MYO18A: variants seen among roughly 807,000 people sequenced by gnomAD.
The protein encoded by MYO18A is myosin XVIIIA.
MYO18A carries 78 observed loss-of-function variants against 235.8 expected under a neutral mutation model. The ratio of observed to expected loss-of-function variants is 0.33; its 90% confidence interval spans 0.28 to 0.40. The LOEUF (loss-of-function observed/expected upper bound fraction) is 0.40. Among genes scored for constraint, MYO18A ranks in the 10% least tolerant of loss-of-function variants. The pLI is 1.00. For missense variants in MYO18A, 2,215 were observed against 2,699.3 expected, an observed-to-expected ratio of 0.82 and a Z score of 3.98; for synonymous variants, 977 against 1,077.8, an observed-to-expected ratio of 0.91 and a Z score of 1.83.
chr17:29,082,273 G>A, intron 41 of MYO18A, 43 bp downstream of exon 41: 1 of 1,611,924 alleles, frequency 6.2e-7, no homozygotes, highest in Admixed American at 1.7e-5. Context: ...ATTCCTTGTG[G>A]CACAAGGTGG....
chr17:29,097,845 C>T lies in MYO18A; in HGVS notation c.4045G>A (p.Glu1349Lys). The T allele has an allele frequency of 1.2e-6, 2 of 1,613,808 alleles. No individual in the cohort carries two copies. Among genetic ancestry groups the T allele is most frequent in the Non-Finnish European group, 8.5e-7 (1 of 1,179,840 alleles). The change falls in exon 26 of 42, where the codon GAG (glutamate) becomes AAG (lysine). Residue 1349 changes from glutamate (E) to lysine (K), a missense_variant. Glu to Lys is a moderately conservative substitution (Grantham distance 56, BLOSUM62 1). Transcript: ENST00000527372. ...QMEVMEMEVMEARLIRAAEIN... is the reference protein window; with the variant it reads ...QMEVMEMEVMKARLIRAAEIN... Reference sequence around the variant, plus strand: ...TCCGCTGCCCGGATGAGACGGGCCTCCATCACCTCCATTTCCATAACCTCC... The same window carrying T: ...TCCGCTGCCCGGATGAGACGGGCCTTCATCACCTCCATTTCCATAACCTCC...
intron 41 of MYO18A, chr17:29,079,619 C>T: frequency 2.6e-6 from 2 of 783,134 alleles, no homozygotes; most frequent in Non-Finnish European, 3.1e-6. Flanking sequence ...CAGGCATGCC[C>T]GAGAGGAGTG....
chr17:29,091,867 A>G (rs1216345594), intron 34 of MYO18A: 1 of 328,250 alleles, frequency 3.0e-6, no homozygotes, highest in Admixed American at 4.2e-5. Flanking sequence ...CTGCCGATGG[A>G]TGGGCCGTGG....
chr17:29,089,848 A>C, intron 37 of MYO18A, 113 bp downstream of exon 37: 1 of 1,386,140 alleles, frequency 7.2e-7, no homozygotes. Context: ...GCAGTGAGGC[A>C]CAGGCCTCTG....
chr17:29,097,700 G>T, intron 26 of MYO18A, 88 bp downstream of exon 26: 1 of 1,145,438 alleles, frequency 8.7e-7, no homozygotes, highest in Non-Finnish European at 1.3e-6. Flanking sequence ...AGGGGAGACA[G>T]GCCTGGACAA....
At chr17:29,167,098 G>C in intron 1 of MYO18A, 77 bp from the exon 2 acceptor site, 1 of 1,006,844 alleles carries the variant, frequency 9.9e-7, no homozygotes, top group Non-Finnish European at 1.4e-6. Flanking sequence ...ATAACCAAAT[G>C]ATACAGCTAC....
At chr17:29,162,335 C>G (rs1324036585) in intron 2 of MYO18A, among the ~76,000 whole-genome samples, 5 of 152,238 alleles carry the variant, frequency 3.3e-5, no homozygotes, top group African/African-American at 9.6e-5. Flanking sequence ...CCTCCATGAC[C>G]TGGCTCCCGT....
At chr17:29,085,795 G>A (rs2066239598) in intron 39 of MYO18A, 147 bp from the exon 40 acceptor site, 3 of 736,898 alleles carry the variant, frequency 4.1e-6, no homozygotes, top group South Asian at 3.4e-5. Context: ...AGTGGGATGC[G>A]TGATGGCACT....
At chr17:29,151,447 A>G (rs2067962202) in intron 2 of MYO18A, among the ~76,000 whole-genome samples, 1 of 151,980 alleles carries the variant, frequency 6.6e-6, no homozygotes, top group Admixed American at 6.6e-5. Context: ...GCCCCCGCCT[A>G]CCTGCTGTTG....
chr17:29,088,385 C>T (rs1052093008), intron 37 of MYO18A, among the ~76,000 whole-genome samples: 1 of 152,168 alleles, frequency 6.6e-6, no homozygotes, highest in Non-Finnish European at 1.5e-5. Context: ...CCCTAACTCT[C>T]TCCAGCTCTC....
intron 2 of MYO18A, among the ~76,000 whole-genome samples, chr17:29,142,998 G>A (rs1328847699): frequency 6.6e-6 from 1 of 152,144 alleles, no homozygotes; most frequent in Admixed American, 6.5e-5. Flanking sequence ...AGTGGAGACG[G>A]GGTTTCACCA....
At chr17:29,169,340 G>A (rs911888398) in intron 1 of MYO18A, among the ~76,000 whole-genome samples, 1 of 152,106 alleles carries the variant, frequency 6.6e-6, no homozygotes, top group African/African-American at 2.4e-5. Flanking sequence ...GTGAGCCACC[G>A]CGCCTAGCCT....
intron 2 of MYO18A, among the ~76,000 whole-genome samples, chr17:29,122,606 C>A (rs560445405): frequency 6.6e-6 from 1 of 152,350 alleles, no homozygotes; most frequent in South Asian, 2.1e-4. Flanking sequence ...TGCTCCTCCA[C>A]CCTGTCAAGC....
chr17:29,124,142 A>G (rs2067264824), intron 2 of MYO18A, among the ~76,000 whole-genome samples: 1 of 152,164 alleles, frequency 6.6e-6, no homozygotes, highest in African/African-American at 2.4e-5. Flanking sequence ...GACACCTTCT[A>G]TGGGCCAGGT....
intron 2 of MYO18A, chr17:29,127,859 T>A (rs1182396705): frequency 1.0e-6 from 1 of 988,526 alleles, no homozygotes; most frequent in Non-Finnish European, 1.2e-6. Flanking sequence ...TACCTCCTGC[T>A]TCACACCAGG....
chr17:29,119,950 G>A (rs943355636), intron 7 of MYO18A, among the ~76,000 whole-genome samples: 3 of 151,898 alleles, frequency 2.0e-5, no homozygotes, highest in Non-Finnish European at 2.9e-5. Context: ...ATCACAGCTC[G>A]CTGCAGCCTT....
intron 2 of MYO18A, among the ~76,000 whole-genome samples, chr17:29,144,130 T>C (rs2067800132): frequency 6.6e-6 from 1 of 152,178 alleles, no homozygotes; most frequent in Non-Finnish European, 1.5e-5. Context: ...GGTGGTGCAA[T>C]ATCAGGGCAT....
rs2066531401 is a variant in MYO18A at position 29,096,893 on chromosome 17, C to G, written c.4253G>C (p.Ser1418Thr). Residue 1418 changes from serine to threonine, a missense_variant, in exon 28 of 42, where the codon AGT becomes ACT. Physicochemically the swap from Ser to Thr is moderately conservative, Grantham distance 58. Transcript: ENST00000527372. ...ERRLGDLQAD[S>T]EESQRALQQL... ...CTGCAGAGCCCGCTGACTCTCCTCA[C>G]TATCTGCCTGCAGGTCCCCGAGCTA... 1.3e-6 allele frequency: 2 copies of G among 1,576,502 alleles called. No homozygotes were observed. Among genetic ancestry groups the G allele is most frequent in the Non-Finnish European group, 1.7e-6 (2 of 1,162,278 alleles).
In MYO18A at chr17:29,118,577, G is replaced by A. The variant is rs1203692383; in HGVS notation, c.1830-137C>T. 22 of 754,912 alleles carry A rather than the reference G, an allele frequency of 2.9e-5. No homozygotes were observed. The highest frequency in any genetic ancestry group is 1.4e-4 in the East Asian group (5 of 36,434). The allele number at this position is 754,912 out of a possible 1,614,324, so 46.8% of individuals were successfully genotyped here. On this transcript the variant is annotated intron_variant, in intron 8 of 41. Transcript: ENST00000527372. The surrounding 1 kb of genome is among the most constrained non-coding windows in gnomAD (Gnocchi z 4.2). ...CATCATCCCATCATCCCCAACTGGCGGGCCAGCTGTCACTGCTTTCCTAAC... is the reference window on the plus strand; with the variant it reads ...CATCATCCCATCATCCCCAACTGGCAGGCCAGCTGTCACTGCTTTCCTAAC...
Sources: allele counts gnomAD v4.1 joint callset (sites outside exome capture counted in the v4.1 genomes callset), GRCh38; gene constraint gnomAD v4.1.1; non-coding constraint Gnocchi (gnomAD v3.1); transcripts MANE v1.5; gene names NCBI Gene and HGNC (gene_info 2026-07-23, HGNC 2026-07-21).